MAML3: variants seen among roughly 807,000 people sequenced by gnomAD.
MAML3 encodes mastermind-like protein 3.
A neutral mutation model predicts 101.9 loss-of-function variants in MAML3; 27 were observed. That is an observed-to-expected ratio of 0.27 (90% CI 0.20 to 0.37). The LOEUF (loss-of-function observed/expected upper bound fraction) is 0.37. Ranked by LOEUF, MAML3 falls within the 10% of genes least tolerant of loss-of-function variation. MAML3 has a pLI of 1.00. For synonymous variants in MAML3, 501 were observed against 555.9 expected, an observed-to-expected ratio of 0.90 and a Z score of 1.39; for missense variants, 1,316 against 1,444.9, an observed-to-expected ratio of 0.91 and a Z score of 1.45.
At chr4:139,914,879 A>C (rs1172798029) in intron 1 of MAML3, among the ~76,000 whole-genome samples, 2 of 152,240 alleles carry the variant, frequency 1.3e-5, no homozygotes, top group African/African-American at 4.8e-5. Context: ...AAAGGGAGCC[A>C]AGTCTGGAGT....
chr4:140,086,782 C>A (rs1459825969), intron 1 of MAML3, among the ~76,000 whole-genome samples: 1 of 151,948 alleles, frequency 6.6e-6, no homozygotes, highest in Non-Finnish European at 1.5e-5. Flanking sequence ...TCTAACCTGT[C>A]GTAGGAGTAG....
At position 140,153,060 on chromosome 4, in the gene MAML3, T is replaced by C. The variant is rs1729205145; in HGVS notation, c.268A>G (p.Asn90Asp). ...RIEGCRRHHVNCENRYQQAQV... is the reference protein window; with the variant it reads ...RIEGCRRHHVDCENRYQQAQV... ...GCCTGCTGGTACCTGTTCTCGCAGT[T>C]GACGTGGTGCCGACGGCAGCCCTCG... The change falls in exon 1 of 5, where the codon AAC (asparagine) becomes GAC (aspartate). Residue 90 changes from asparagine (N) to aspartate (D), a missense_variant. Coordinates refer to ENST00000509479, the MANE Select transcript of MAML3 (RefSeq NM_018717.5). 2 of 1,572,644 alleles carry C rather than the reference T, an allele frequency of 1.3e-6. No homozygotes were observed. Among genetic ancestry groups the C allele is most frequent in the African/African-American group, 1.4e-5 (1 of 73,932 alleles).
intron 1 of MAML3, among the ~76,000 whole-genome samples, chr4:140,061,649 A>G (rs1373585026): frequency 1.3e-5 from 2 of 152,192 alleles, no homozygotes; most frequent in East Asian, 3.8e-4. Context: ...TATTTAATGA[A>G]AAATAAGAAA....
intron 1 of MAML3, among the ~76,000 whole-genome samples, chr4:139,939,086 A>G (rs907045799): frequency 4.6e-5 from 7 of 152,174 alleles, no homozygotes; most frequent in African/African-American, 1.4e-4. Flanking sequence ...TGATACCTCT[A>G]TTTGAGAAGA....
intron 2 of MAML3, among the ~76,000 whole-genome samples, chr4:139,843,016 G>C (rs1266052192): frequency 1.3e-5 from 2 of 151,848 alleles, no homozygotes; most frequent in African/African-American, 4.8e-5. Context: ...CCTGACTTCA[G>C]GTGATCCGCC....
chr4:139,940,013 C>G (rs1465696227), intron 1 of MAML3, among the ~76,000 whole-genome samples: 6 of 152,120 alleles, frequency 3.9e-5, no homozygotes, highest in African/African-American at 7.2e-5. Context: ...ATTCGTCCAC[C>G]TCGGCCTCCC....
At chr4:140,092,090 A>ATATATATATATG (rs1728066059) in intron 1 of MAML3, among the ~76,000 whole-genome samples, 2 of 66,862 alleles carry the variant, frequency 3.0e-5, no homozygotes, top group African/African-American at 7.8e-5. Flanking sequence ...ATATATACGT[A>ATATATATATATG]TATATATATA....
chr4:139,727,253 C>T (rs1728509962), intron 3 of MAML3, among the ~76,000 whole-genome samples: 1 of 152,194 alleles, frequency 6.6e-6, no homozygotes, highest in South Asian at 2.1e-4. Flanking sequence ...TAATGTTCTA[C>T]AGAAAACTGT....
chr4:140,148,260 C>A (rs1361659179), intron 1 of MAML3, among the ~76,000 whole-genome samples: 2 of 152,188 alleles, frequency 1.3e-5, no homozygotes, highest in East Asian at 3.8e-4. Context: ...TGGGAAGGAA[C>A]TCAGCTTGAA....
At chr4:139,741,149 A>G (rs1729153562) in intron 2 of MAML3, among the ~76,000 whole-genome samples, 1 of 152,174 alleles carries the variant, frequency 6.6e-6, no homozygotes, top group Non-Finnish European at 1.5e-5. Flanking sequence ...TAGGACTTAG[A>G]GCAGGGAAAA....
At position 139,890,175 on chromosome 4, in the gene MAML3, G is replaced by C. The variant is rs1405941025; in HGVS notation, c.1261C>G (p.Pro421Ala). 1.9e-6 allele frequency: 3 copies of C among 1,613,452 alleles called. No individual in the cohort carries two copies. Among genetic ancestry groups the C allele is most frequent in the Non-Finnish European group, 8.5e-7 (1 of 1,179,864 alleles). ...ANCAVQSPQTPNQAHTPGQAP... is the reference protein window; with the variant it reads ...ANCAVQSPQTANQAHTPGQAP... ...TGGCCTGGAGTGTGGGCTTGGTTTG[G>C]AGTTTGAGGGGACTGGACAGCACAG... Residue 421 changes from proline to alanine, a missense_variant, in exon 2 of 5, where the codon CCA (proline) becomes GCA (alanine). Transcript: ENST00000509479. The surrounding 1 kb of genome is among the most constrained non-coding windows in gnomAD (Gnocchi z 4.1).
chr4:139,874,159 A>G (rs1732065447), intron 2 of MAML3, among the ~76,000 whole-genome samples: 1 of 152,194 alleles, frequency 6.6e-6, no homozygotes, highest in Non-Finnish European at 1.5e-5. Context: ...CTACTGAGGT[A>G]CCAGAAACAA....
chr4:140,097,569 A>G (rs1728184003), intron 1 of MAML3, among the ~76,000 whole-genome samples: 1 of 152,192 alleles, frequency 6.6e-6, no homozygotes, highest in Admixed American at 6.5e-5. Flanking sequence ...TAAAGGGAAA[A>G]TCTTCCTGAA....
intron 1 of MAML3, among the ~76,000 whole-genome samples, chr4:140,078,028 A>AAATAAATAAAT (rs1553973336): frequency 0.026 from 3,919 of 148,022 alleles, 96 homozygotes; most frequent in Middle Eastern, 0.042. Context: ...AATAAATAAA[A>AAATAAATAAAT]AAATAAATAA....
At chr4:140,080,104 T>C (rs962349344) in intron 1 of MAML3, among the ~76,000 whole-genome samples, 5 of 152,224 alleles carry the variant, frequency 3.3e-5, no homozygotes, top group Admixed American at 3.3e-4. Context: ...AAGAAGTGCA[T>C]GTAATCACTT....
At chr4:139,808,866 G>C (rs1730744332) in intron 2 of MAML3, among the ~76,000 whole-genome samples, 1 of 152,190 alleles carries the variant, frequency 6.6e-6, no homozygotes, top group Non-Finnish European at 1.5e-5. Flanking sequence ...CCTGAGACAA[G>C]GGGTGTGCGT....
chr4:139,730,619 A>G lies in MAML3; in HGVS notation c.2128T>C (p.Ser710Pro), dbSNP rs1364295288. The change falls in exon 3 of 5, where the codon TCC (serine) becomes CCC (proline). Residue 710 changes from serine (S) to proline (P), a missense_variant. Transcript: ENST00000509479. ...LPRTTGPMQS[S>P]VPPGSGGMVS... ...ATGCCACCTGAGCCTGGGGGCACGG[A>G]GGACTGCATGGGGCCTGTGGTTCGG... 2 of 1,612,948 alleles carry G rather than the reference A, an allele frequency of 1.2e-6. No individual in the cohort carries two copies. The highest frequency in any genetic ancestry group is 2.7e-5 in the African/African-American group (2 of 74,912).
intron 2 of MAML3, among the ~76,000 whole-genome samples, chr4:139,762,652 T>C (rs1257321089): frequency 6.6e-6 from 1 of 152,184 alleles, no homozygotes; most frequent in Non-Finnish European, 1.5e-5. Context: ...AAAACTTATG[T>C]TTGCAGGCAG....
rs59770042 is a variant in MAML3, at chr4:140,106,115, G to GAAAAAAAAAA, written c.468+46735_468+46744dup. On this transcript the variant is annotated intron_variant, in intron 1 of 4. Transcript: ENST00000509479. ...AATTTCTTGGTAAAACTGACTTCAA[G>GAAAAAAAAAA]AAAAAAAAAAAAAAAAAAAAAAAGA... is the stretch of plus-strand genomic sequence containing the variant. Among the ~76,000 whole-genome samples the GAAAAAAAAAA allele has an allele frequency of 2.2e-5, 2 of 90,064 alleles. 1 individual carries two copies. 59.1% of individuals were successfully genotyped at this position (90,064 alleles called of 152,430 possible).
Sources: gnomAD v4.1 joint callset for allele counts (sites outside exome capture counted in the v4.1 genomes callset) on GRCh38, gnomAD v4.1.1 for gene constraint, Gnocchi (gnomAD v3.1) non-coding constraint, MANE v1.5 for transcripts, NCBI Gene and HGNC (gene_info 2026-07-23, HGNC 2026-07-21) for gene names.